PXDNL: variants seen among roughly 807,000 people sequenced by gnomAD.
The protein encoded by PXDNL is probable oxidoreductase PXDNL.
A neutral mutation model predicts 150.8 loss-of-function variants in PXDNL; 145 were observed. The observed-to-expected ratio is 0.96, with a 90% CI of 0.84 to 1.10. The LOEUF (loss-of-function observed/expected upper bound fraction) is 1.10, where lower values mean the gene tolerates loss of function less well. Among genes scored for constraint, PXDNL ranks in the 50% least tolerant of loss-of-function variants. The probability of loss-of-function intolerance (pLI) is 0.00; values close to 1 mark genes in which losing one functional copy is unlikely to be tolerated. For synonymous variants in PXDNL, 757 were observed against 725.7 expected (o/e 1.04, Z -0.69); for missense variants, 2,087 against 1,873.9 (o/e 1.11, Z -2.10).
intron 1 of PXDNL, among the ~76,000 whole-genome samples, chr8:51,688,959 G>A (rs1157126145): frequency 6.6e-6 from 1 of 152,188 alleles, no homozygotes; most frequent in Non-Finnish European, 1.5e-5. Context: ...CTGTAAATGA[G>A]GAAGTTCAGA....
Position 51,411,315 on chromosome 8 carries a change from T to C in PXDNL, c.1997A>G (p.Glu666Gly), listed in dbSNP as rs1808637016. Residue 666 changes from glutamate (E) to glycine (G), a missense_variant, in exon 16 of 23, where the codon GAG becomes GGG. Physicochemically the swap from Glu to Gly is moderately conservative, Grantham distance 98. Transcript: ENST00000356297. ...VEMARAGEIFEHTLQLIRERV... is the reference protein window; with the variant it reads ...VEMARAGEIFGHTLQLIRERV... ...TTCCCGTATCAGCTGCAGCGTGTGC[T>C]CAAAAATCTCCCCTGCTCTTGCCAT... is the stretch of plus-strand genomic sequence containing the variant. The C allele has an allele frequency of 3.2e-6, 5 of 1,584,422 alleles. No individual in the cohort carries two copies. The highest frequency in any genetic ancestry group is 4.3e-6 in the Non-Finnish European group (5 of 1,167,980).
intron 4 of PXDNL, among the ~76,000 whole-genome samples, chr8:51,535,901 C>G (rs953080919): frequency 7.2e-5 from 11 of 152,162 alleles, no homozygotes; most frequent in African/African-American, 2.4e-4. Context: ...CTCTTGCCCC[C>G]CTCCCTGCAT....
chr8:51,643,709 C>A (rs1814831495), intron 2 of PXDNL, among the ~76,000 whole-genome samples: 3 of 152,068 alleles, frequency 2.0e-5, no homozygotes, highest in Admixed American at 6.6e-5. Context: ...TAATTAAACT[C>A]AAGAGCTTCT....
chr8:51,451,831 G>C (rs1036059794), intron 10 of PXDNL, among the ~76,000 whole-genome samples: 1 of 152,110 alleles, frequency 6.6e-6, no homozygotes, highest in African/African-American at 2.4e-5. Context: ...AATAAAATCA[G>C]CCTTTTAAAT....
chr8:51,450,315 G>T (rs1809775433), intron 10 of PXDNL, among the ~76,000 whole-genome samples: 3 of 152,154 alleles, frequency 2.0e-5, no homozygotes, highest in African/African-American at 7.2e-5. Flanking sequence ...TTTGTGCCCT[G>T]TATATTGTGC....
chr8:51,579,952 A>G (rs914809251), intron 3 of PXDNL, among the ~76,000 whole-genome samples: 3 of 151,900 alleles, frequency 2.0e-5, no homozygotes, highest in African/African-American at 7.2e-5. Flanking sequence ...ACATGTATAC[A>G]TATGTAACAA....
intron 6 of PXDNL, among the ~76,000 whole-genome samples, chr8:51,478,841 G>T (rs1044453659): frequency 2.0e-5 from 3 of 152,222 alleles, no homozygotes; most frequent in African/African-American, 7.2e-5. Context: ...GAATAAACAG[G>T]TGCCCAGTTT....
intron 1 of PXDNL, among the ~76,000 whole-genome samples, chr8:51,764,371 T>C (rs2037201827): frequency 6.7e-6 from 1 of 149,374 alleles, no homozygotes; most frequent in Non-Finnish European, 1.5e-5. Flanking sequence ...TTTGCCTTTC[T>C]TTTTCTAGTT....
At position 51,449,017 on chromosome 8, in the gene PXDNL, CAAT is replaced by C. The variant is rs1237644965; in HGVS notation, c.1348_1350del (p.Ile450del). 7 of 1,542,062 alleles carry C rather than the reference CAAT, an allele frequency of 4.5e-6. No individual in the cohort carries two copies. Among genetic ancestry groups the C allele is most frequent in the Non-Finnish European group, 6.2e-6 (7 of 1,138,032 alleles). On this transcript the variant is annotated inframe_deletion, in exon 11 of 23. Coordinates refer to ENST00000356297, the MANE Select transcript of PXDNL (RefSeq NM_144651.5). ...GTTCTAATACCTGTTTTTGTCCAGA[CAAT>C]AACAGGAGGTGGGTTGCCGTCAGCT...
At chr8:51,695,890 C>T (rs1239594751) in intron 1 of PXDNL, among the ~76,000 whole-genome samples, 1 of 152,186 alleles carries the variant, frequency 6.6e-6, no homozygotes, top group Non-Finnish European at 1.5e-5. Flanking sequence ...GTATCCTTCA[C>T]AGGCTAGTGG....
At chr8:51,339,600 A>G (rs779501856) in intron 21 of PXDNL, 24 bp downstream of exon 21, 2 of 1,608,618 alleles carry the variant, frequency 1.2e-6, no homozygotes, top group South Asian at 2.2e-5. Flanking sequence ...CAATAAGGAC[A>G]TGTTATTTGA....
intron 19 of PXDNL, among the ~76,000 whole-genome samples, chr8:51,368,226 C>A (rs556109772): frequency 1.3e-5 from 2 of 152,272 alleles, no homozygotes; most frequent in South Asian, 4.1e-4. Flanking sequence ...GTCCTTAACA[C>A]CCCAACTTTT....
intron 1 of PXDNL, among the ~76,000 whole-genome samples, chr8:51,656,018 G>A (rs1288013985): frequency 6.6e-6 from 1 of 152,184 alleles, no homozygotes; most frequent in Non-Finnish European, 1.5e-5. Flanking sequence ...AACGCAAGGA[G>A]TATAGAAGAA....
At chr8:51,609,434 G>A (rs1813948434) in intron 2 of PXDNL, among the ~76,000 whole-genome samples, 4 of 152,188 alleles carry the variant, frequency 2.6e-5, no homozygotes, top group Admixed American at 6.5e-5. Context: ...CTTGACCCCT[G>A]TGCTCTTGAC....
chr8:51,356,075 T>C (rs16916053), intron 19 of PXDNL, among the ~76,000 whole-genome samples: 3,757 of 152,296 alleles, frequency 0.025, 155 homozygotes, highest in African/African-American at 0.083. Flanking sequence ...TGCTAATAAA[T>C]AACTGAGAGC....
chr8:51,337,838 A>C (rs1186521489), intron 21 of PXDNL, among the ~76,000 whole-genome samples: 1 of 148,918 alleles, frequency 6.7e-6, no homozygotes, highest in African/African-American at 2.5e-5. Flanking sequence ...TCACCACTGC[A>C]CTCCAGCCTG....
chr8:51,742,865 ACTGTAAAGACAATCAAATGCAGCATG>A (rs2036922392), intron 1 of PXDNL, among the ~76,000 whole-genome samples: 1 of 152,150 alleles, frequency 6.6e-6, no homozygotes, highest in South Asian at 2.1e-4. Context: ...CTTGGCAGAT[ACTGTAAAGACAATCAAATGCAGCATG>A]CTGAAAGAGC....
intron 2 of PXDNL, among the ~76,000 whole-genome samples, chr8:51,609,453 C>T (rs889782230): frequency 1.3e-5 from 2 of 152,094 alleles, no homozygotes; most frequent in Admixed American, 6.5e-5. Flanking sequence ...ACCTTTGGGG[C>T]CACATAATTC....
In PXDNL at chr8:51,453,640, G is replaced by A. The variant is rs6473599; in HGVS notation, c.1128C>T (p.His376=). Residue 376 remains histidine (H), a synonymous_variant, in exon 10 of 23, where the codon CAC becomes CAT. Coordinates refer to ENST00000356297, the MANE Select transcript of PXDNL (RefSeq NM_144651.5). The part of the protein sequence containing the change: ...DNGLELDGSR[H]VATSSGLYLQ... ...AGTAAAGTCCACTGGACGTTGCCAC[G>A]TGCCTGGATCCATCCAGCTCCAATC... 0.91 allele frequency: 1,469,672 copies of A among 1,613,778 alleles called. 676,821 individuals are homozygous for A. Among genetic ancestry groups the A allele is most frequent in the Non-Finnish European group, 0.95 (1,116,712 of 1,179,832 alleles).
Sources: allele counts gnomAD v4.1 joint callset (sites outside exome capture counted in the v4.1 genomes callset), GRCh38; gene constraint gnomAD v4.1.1; transcripts MANE v1.5; gene names NCBI Gene and HGNC (gene_info 2026-07-23, HGNC 2026-07-21).